The following CARMIL1 variants were observed in gnomAD, a reference collection of about 807,000 sequenced individuals.
The protein encoded by CARMIL1 is F-actin-uncapping protein LRRC16A.
Under a neutral mutation model 177.1 loss-of-function variants are expected in CARMIL1, and 90 were observed. The observed-to-expected ratio is 0.51, with a 90% CI of 0.43 to 0.61. CARMIL1 has a LOEUF of 0.61. CARMIL1 is among the 20% of genes least tolerant of loss of function. The pLI, the probability that CARMIL1 is intolerant of heterozygous loss-of-function variation, is 0.00. For synonymous variants in CARMIL1, 577 were observed against 606.2 expected, an observed-to-expected ratio of 0.95 and a Z score of 0.71; for missense variants, 1,380 against 1,667.0, an observed-to-expected ratio of 0.83 and a Z score of 3.00.
intron 2 of CARMIL1, among the ~76,000 whole-genome samples, chr6:25,298,574 T>G (rs184308129): frequency 1.7e-4 from 26 of 152,268 alleles, no homozygotes; most frequent in Non-Finnish European, 4.4e-5. Context: ...CAGATCTGCA[T>G]GTATTTAGAT....
intron 5 of CARMIL1, among the ~76,000 whole-genome samples, chr6:25,436,544 T>C (rs189568654): frequency 1.3e-3 from 195 of 152,318 alleles, no homozygotes; most frequent in African/African-American, 4.5e-3. Context: ...CAGGAAAACC[T>C]AGGCTTCTAG....
intron 5 of CARMIL1, 83 bp downstream of exon 5, chr6:25,435,687 C>T (rs1797162052): frequency 7.1e-7 from 1 of 1,408,096 alleles, no homozygotes; most frequent in Non-Finnish European, 9.4e-7. Context: ...TTCTTTTTAC[C>T]CCTTCACTTA....
intron 2 of CARMIL1, among the ~76,000 whole-genome samples, chr6:25,396,826 G>C (rs1177115519): frequency 6.6e-6 from 1 of 152,146 alleles, no homozygotes; most frequent in African/African-American, 2.4e-5. Context: ...TTCACTCCAT[G>C]CAGAGATGCG....
chr6:25,450,427 CA>C lies in CARMIL1; in HGVS notation c.540+19del. ...TACAATGGGTAAGAATGTCTGTGTA[CA>C]TGTGCATGAGCACACACACTCCTGG... On this transcript the variant is annotated intron_variant, in intron 7 of 36. Coordinates refer to ENST00000329474, the MANE Select transcript of CARMIL1 (RefSeq NM_017640.6). 5.6e-6 allele frequency: 9 copies of C among 1,594,912 alleles called. No homozygotes were observed. Among genetic ancestry groups the C allele is most frequent in the Non-Finnish European group, 7.7e-6 (9 of 1,162,980 alleles).
rs190427103 is a variant in CARMIL1 at position 25,442,562 on chromosome 6, C to T, written c.371+6958C>T. Among the ~76,000 whole-genome samples, 122 of 152,018 alleles carry T rather than the reference C, an allele frequency of 8.0e-4. 1 individual carries two copies. Among genetic ancestry groups the T allele is most frequent in the Non-Finnish European group, 1.5e-3 (99 of 67,966 alleles). On this transcript the variant is annotated intron_variant, in intron 5 of 36. Transcript: ENST00000329474. The stretch of plus-strand genomic sequence containing the variant: ...CTCTCATTTCACTACAGGCGGAAAA[C>T]AACTTCTGTAGAGTGGATTCTCCTC...
In CARMIL1 at chr6:25,491,719, AT is replaced by A. The variant is rs747208315; in HGVS notation, c.1066-5del. 3.0e-5 allele frequency: 46 copies of A among 1,532,110 alleles called. No homozygotes were observed. Among genetic ancestry groups the A allele is most frequent in the South Asian group, 4.7e-5 (4 of 84,384 alleles). 94.9% of individuals were successfully genotyped at this position (1,532,110 alleles called of 1,614,324 possible). A position where few individuals can be genotyped will look rare whatever the true frequency, so the allele number is the denominator to read the frequency against. The stretch of plus-strand genomic sequence containing the variant: ...TCTAGAATCCTAACATTTATCTTTT[AT>A]TTTTTTTCAAGCACATGTATAATTT... On this transcript the variant is annotated splice_polypyrimidine_tract_variant and intron_variant, in intron 13 of 36. Transcript: ENST00000329474.
intron 35 of CARMIL1, 21 bp from the exon 36 acceptor site, chr6:25,610,029 C>A (rs1816372555): frequency 6.2e-7 from 1 of 1,607,510 alleles, no homozygotes; most frequent in Non-Finnish European, 8.5e-7. Context: ...CAGTTTGATT[C>A]ACGTGTTTGT....
At chr6:25,609,663 T>A (rs567041468) in intron 35 of CARMIL1, among the ~76,000 whole-genome samples, 206 of 152,314 alleles carry the variant, frequency 1.4e-3, no homozygotes, top group African/African-American at 4.0e-3. Flanking sequence ...TAGTGACTAT[T>A]GTACTGGGTT....
chr6:25,432,434 G>A lies in CARMIL1; in HGVS notation c.250-3049G>A, dbSNP rs1266266816. Reference sequence around the variant, plus strand: ...TAAGAGTGAGTGATTGCTCTATTGAGTTAGCGAAATGTGACTTTTACTATT... The same window carrying A: ...TAAGAGTGAGTGATTGCTCTATTGAATTAGCGAAATGTGACTTTTACTATT... On this transcript the variant is annotated intron_variant, in intron 4 of 36. Coordinates refer to ENST00000329474, the MANE Select transcript of CARMIL1 (RefSeq NM_017640.6). Among the ~76,000 whole-genome samples, 6 of 152,222 alleles carry A rather than the reference G, an allele frequency of 3.9e-5. No individual in the cohort carries two copies. The East Asian group carries it at 9.6e-4, about 24-fold the overall frequency.
chr6:25,451,995 TC>T lies in CARMIL1; in HGVS notation c.614+1293del, dbSNP rs748360806. Reference sequence around the variant, plus strand: ...TCATCACTAGCATCTTGCCCCCCCCTCCCCCCCCCAGAATACTGTTTTGAAT... The same window carrying T: ...TCATCACTAGCATCTTGCCCCCCCCTCCCCCCCCAGAATACTGTTTTGAAT... On this transcript the variant is annotated intron_variant, in intron 8 of 36. Transcript: ENST00000329474. The T allele has an allele frequency of 4.6e-4, 66 of 144,246 alleles. 1 individual carries two copies. Among genetic ancestry groups the T allele is most frequent in the East Asian group, 3.5e-3 (19 of 5,472 alleles). 8.9% of individuals were successfully genotyped at this position (144,246 alleles called of 1,614,324 possible).
intron 2 of CARMIL1, chr6:25,287,679 T>C (rs1280578235): frequency 6.6e-6 from 1 of 152,238 alleles, no homozygotes; most frequent in Admixed American, 6.5e-5. Flanking sequence ...GATGAGGAAA[T>C]TGAGATTTGG....
intron 2 of CARMIL1, among the ~76,000 whole-genome samples, chr6:25,335,031 C>T (rs970763128): frequency 8.5e-5 from 13 of 152,200 alleles, no homozygotes; most frequent in African/African-American, 2.9e-4. Flanking sequence ...AAGATACTTG[C>T]TTGAGGTCAT....
At position 25,606,184 on chromosome 6, in the gene CARMIL1, C is replaced by T. The variant is rs552213012; in HGVS notation, c.3758C>T (p.Thr1253Met). The stretch of plus-strand genomic sequence containing the variant: ...TCTCGGAGCTCATCCAGCACACCTA[C>T]GAGCCCGAAGCCCCTCCTGCAGTCC... ...SRSRSSSSTP[T>M]SPKPLLQSPK... is the part of the protein sequence containing the mutation. Residue 1253 changes from threonine to methionine, a missense_variant, in exon 35 of 37, where the codon ACG (threonine) becomes ATG (methionine). Physicochemically the swap from Thr to Met is moderately conservative, Grantham distance 81. Transcript: ENST00000329474. 4.6e-5 allele frequency: 74 copies of T among 1,613,964 alleles called. No homozygotes were observed. The highest frequency in any genetic ancestry group is 1.6e-4 in the Middle Eastern group (1 of 6,062).
At chr6:25,526,004 T>C (rs1204207476) in intron 23 of CARMIL1, among the ~76,000 whole-genome samples, 1 of 151,818 alleles carries the variant, frequency 6.6e-6, no homozygotes, top group Non-Finnish European at 1.5e-5. Flanking sequence ...AAATTGAAAA[T>C]AGGTATAGAA....
chr6:25,423,416 G>T (rs2150709109), intron 3 of CARMIL1, among the ~76,000 whole-genome samples: 1 of 152,312 alleles, frequency 6.6e-6, no homozygotes. Flanking sequence ...GGTTTGCGGA[G>T]AGGGCCAGTT....
intron 2 of CARMIL1, among the ~76,000 whole-genome samples, chr6:25,352,345 T>G (rs1788194623): frequency 6.6e-6 from 1 of 151,080 alleles, no homozygotes; most frequent in South Asian, 2.1e-4. Context: ...GAGGTGAGGC[T>G]AAACTTTTAT....
At chr6:25,339,340 C>G (rs1158416652) in intron 2 of CARMIL1, among the ~76,000 whole-genome samples, 3 of 152,202 alleles carry the variant, frequency 2.0e-5, no homozygotes, top group Non-Finnish European at 4.4e-5. Context: ...CCTATTTTCT[C>G]TCTTCTTCCA....
At chr6:25,392,050 ATGCATGTGTGTGTGTGTGTG>A (rs1300518111) in intron 2 of CARMIL1, among the ~76,000 whole-genome samples, 1 of 113,740 alleles carries the variant, frequency 8.8e-6, no homozygotes, top group East Asian at 2.6e-4. Flanking sequence ...GTGTGTGTAT[ATGCATGTGTGTGTGTGTGTG>A]TGTGTGTGTG....
intron 31 of CARMIL1, among the ~76,000 whole-genome samples, chr6:25,586,270 C>G (rs1424217443): frequency 6.6e-6 from 1 of 150,686 alleles, no homozygotes; most frequent in Non-Finnish European, 1.5e-5. Context: ...TCCTCACCTC[C>G]CAGACGGGGT....
Sources: allele counts gnomAD v4.1 joint callset (sites outside exome capture counted in the v4.1 genomes callset), GRCh38; gene constraint gnomAD v4.1.1; transcripts MANE v1.5; gene names NCBI Gene and HGNC (gene_info 2026-07-23, HGNC 2026-07-21).